Variants in LRRC4C observed in about 807,000 individuals in gnomAD.
LRRC4C encodes leucine-rich repeat-containing protein 4C.
In LRRC4C, 5 loss-of-function variants were observed where a neutral mutation model predicts 33.6. The observed-to-expected ratio is 0.15, with a 90% CI of 0.08 to 0.31. The LOEUF (loss-of-function observed/expected upper bound fraction) is 0.31. LRRC4C is among the 10% of genes least tolerant of loss of function. LRRC4C has a pLI of 1.00. For missense variants in LRRC4C, 560 were observed against 796.7 expected, an observed-to-expected ratio of 0.70 and a Z score of 3.58; for synonymous variants, 329 against 302.0, an observed-to-expected ratio of 1.09 and a Z score of -0.93.
intron 1 of LRRC4C, among the ~76,000 whole-genome samples, chr11:41,081,911 T>C (rs1245669044): frequency 6.6e-6 from 1 of 152,232 alleles, no homozygotes; most frequent in Non-Finnish European, 1.5e-5. Flanking sequence ...ATGGCTGCTC[T>C]GGGATAGATG....
At chr11:41,028,466 C>T (rs10837554) in intron 1 of LRRC4C, among the ~76,000 whole-genome samples, 75,585 of 151,260 alleles carry the variant, frequency 0.5, 19,397 homozygotes, top group Non-Finnish European at 0.55. Flanking sequence ...ATTGCAATTT[C>T]ATTTTCTCTT....
intron 1 of LRRC4C, among the ~76,000 whole-genome samples, chr11:41,021,200 A>T (rs867459570): frequency 0.17 from 5,616 of 33,092 alleles, 427 homozygotes; most frequent in African/African-American, 0.27. Flanking sequence ...AGAGAGAGAG[A>T]GAGAGAGAGA....
At position 40,518,098 on chromosome 11, in the gene LRRC4C, C is replaced by A. The variant is rs559050879; in HGVS notation, c.-270+130044G>T. 7.2e-5 allele frequency among the ~76,000 whole-genome samples: 11 copies of A among 152,234 alleles called. No homozygotes were observed. The East Asian group carries it at 2.1e-3, about 29-fold the overall frequency. The stretch of plus-strand genomic sequence containing the variant: ...CTGGACCCCTTCCTTACACCTTATA[C>A]AAAAATTAACTCAAGGTGGATTAAA... On this transcript the variant is annotated intron_variant, in intron 3 of 6. Coordinates refer to ENST00000528697, the MANE Select transcript of LRRC4C (RefSeq NM_001258419.2).
chr11:41,222,563 GCT>G (rs1178813139), intron 1 of LRRC4C, among the ~76,000 whole-genome samples: 4 of 152,124 alleles, frequency 2.6e-5, no homozygotes, highest in African/African-American at 9.7e-5. Flanking sequence ...GGGTTACTGA[GCT>G]CTCTGTTATA....
chr11:41,092,897 C>G (rs1376374895), intron 1 of LRRC4C, among the ~76,000 whole-genome samples: 2 of 152,120 alleles, frequency 1.3e-5, no homozygotes, highest in Non-Finnish European at 2.9e-5. Context: ...ATAAGATGTT[C>G]TTTTAACTCT....
At chr11:40,979,162 T>G (rs182044403) in intron 1 of LRRC4C, among the ~76,000 whole-genome samples, 131 of 152,256 alleles carry the variant, frequency 8.6e-4, no homozygotes, top group African/African-American at 3.0e-3. Context: ...GCATATGAGA[T>G]TTGTTCCTTT....
chr11:40,354,645 G>T (rs1172025183), intron 3 of LRRC4C, among the ~76,000 whole-genome samples: 1 of 152,076 alleles, frequency 6.6e-6, no homozygotes, highest in East Asian at 1.9e-4. Flanking sequence ...ATACTCCTTG[G>T]CTACTGCCGA....
intron 1 of LRRC4C, among the ~76,000 whole-genome samples, chr11:40,961,729 G>A (rs1256917437): frequency 3.3e-5 from 5 of 151,576 alleles, no homozygotes; most frequent in African/African-American, 9.7e-5. Context: ...GGAAATTTCT[G>A]TTCTCTCAGG....
chr11:40,121,370 G>A (rs1855813182), intron 6 of LRRC4C, among the ~76,000 whole-genome samples: 1 of 152,160 alleles, frequency 6.6e-6, no homozygotes, highest in South Asian at 2.1e-4. Flanking sequence ...ATAACCTACA[G>A]TGAATAATGC....
intron 2 of LRRC4C, among the ~76,000 whole-genome samples, chr11:40,894,276 A>C (rs1420791830): frequency 6.6e-6 from 1 of 152,118 alleles, no homozygotes; most frequent in Non-Finnish European, 1.5e-5. Flanking sequence ...CAAAATATAA[A>C]TATTCCCTCA....
At chr11:41,401,114 G>A (rs1954009385) in intron 1 of LRRC4C, among the ~76,000 whole-genome samples, 1 of 151,952 alleles carries the variant, frequency 6.6e-6, no homozygotes, top group Non-Finnish European at 1.5e-5. Flanking sequence ...ATGGAATTCA[G>A]TGTATTTTTT....
chr11:40,304,044 T>C (rs1944908666), intron 4 of LRRC4C, among the ~76,000 whole-genome samples: 1 of 152,176 alleles, frequency 6.6e-6, no homozygotes, highest in Non-Finnish European at 1.5e-5. Flanking sequence ...AAGGTTCCTT[T>C]TGCAGTAAAA....
intron 3 of LRRC4C, among the ~76,000 whole-genome samples, chr11:40,586,043 G>A (rs1478373190): frequency 1.5e-5 from 2 of 132,900 alleles, no homozygotes; most frequent in East Asian, 2.1e-4. Context: ...TTGAGGAATC[G>A]CCACAACTGA....
chr11:41,380,047 C>G (rs1225043628), intron 1 of LRRC4C, among the ~76,000 whole-genome samples: 1 of 152,044 alleles, frequency 6.6e-6, no homozygotes, highest in South Asian at 2.1e-4. Context: ...GATAAGTCCA[C>G]TGTGCAATGG....
At chr11:40,582,488 C>T (rs1026697686) in intron 3 of LRRC4C, among the ~76,000 whole-genome samples, 5 of 143,500 alleles carry the variant, frequency 3.5e-5, no homozygotes, top group Admixed American at 7.0e-5. Flanking sequence ...TTCTTCTTAT[C>T]GTACTTATTT....
intron 3 of LRRC4C, among the ~76,000 whole-genome samples, chr11:40,378,542 G>T (rs981395640): frequency 1.3e-5 from 2 of 151,902 alleles, no homozygotes; most frequent in African/African-American, 2.4e-5. Context: ...TATAATGGAT[G>T]GGTAAACTTT....
chr11:40,236,744 G>C (rs1865591410), intron 5 of LRRC4C, among the ~76,000 whole-genome samples: 1 of 152,136 alleles, frequency 6.6e-6, no homozygotes, highest in Admixed American at 6.5e-5. Context: ...CAGGACTTGA[G>C]AGGGAGCTGC....
At chr11:40,325,773 C>T (rs1165346311) in intron 3 of LRRC4C, among the ~76,000 whole-genome samples, 3 of 151,934 alleles carry the variant, frequency 2.0e-5, no homozygotes, top group Non-Finnish European at 4.4e-5. Context: ...CTGTCATTTT[C>T]CAGCAAATAA....
chr11:40,866,244 T>C (rs944050484), intron 2 of LRRC4C, among the ~76,000 whole-genome samples: 2 of 150,802 alleles, frequency 1.3e-5, no homozygotes, highest in African/African-American at 4.9e-5. Context: ...CTATAAATAC[T>C]AATACAGTTG....
Sources: gnomAD v4.1 joint callset for allele counts (sites outside exome capture counted in the v4.1 genomes callset) on GRCh38, gnomAD v4.1.1 for gene constraint, MANE v1.5 for transcripts, NCBI Gene and HGNC (gene_info 2026-07-23, HGNC 2026-07-21) for gene names.